The following SPESP1 variants were observed in gnomAD, a reference collection of about 807,000 sequenced individuals.
SPESP1 encodes equatorial segment protein.
Under a neutral mutation model 3.1 loss-of-function variants are expected in SPESP1, and 1 was observed. The ratio of observed to expected loss-of-function variants is 0.33; its 90% CI spans 0.12 to 1.54. The LOEUF (loss-of-function observed/expected upper bound fraction) is 1.54. Ranked by LOEUF, SPESP1 falls within the 40% of genes most tolerant of loss-of-function variation. The pLI is 0.38. For missense variants in SPESP1, 398 were observed against 410.1 expected (o/e 0.97, Z 0.26); for synonymous variants, 138 against 150.7 (o/e 0.92, Z 0.62).
chr15:68,933,088 A>G (rs1182052331), intron 1 of SPESP1, among the ~76,000 whole-genome samples: 1 of 152,212 alleles, frequency 6.6e-6, no homozygotes, highest in Non-Finnish European at 1.5e-5. Context: ...GCGAGATGCA[A>G]AAGATAAGGT....
rs181447244 is a variant in SPESP1, at chr15:68,942,592, G to A, written c.65-3007G>A. On this transcript the variant is annotated intron_variant, in intron 1 of 1. Transcript: ENST00000310673. ...TTTTAATGTTCTTTTTAGGGAACAT[G>A]TTTTTCTATATAATTTTAAGGGAAA... Among the ~76,000 whole-genome samples, 6 of 152,148 alleles carry A rather than the reference G, an allele frequency of 3.9e-5. No individual in the cohort carries two copies. In the East Asian group the frequency reaches 9.6e-4, roughly 24 times the overall value.
intron 1 of SPESP1, among the ~76,000 whole-genome samples, chr15:68,938,349 C>T (rs1895735090): frequency 1.3e-5 from 2 of 151,924 alleles, no homozygotes; most frequent in East Asian, 3.8e-4. Flanking sequence ...ATTAACTTGC[C>T]TTTTATTTCT....
At chr15:68,943,433 G>A (rs181029369) in intron 1 of SPESP1, among the ~76,000 whole-genome samples, 54 of 152,186 alleles carry the variant, frequency 3.5e-4, no homozygotes, top group African/African-American at 1.1e-3. Flanking sequence ...ACCTCCAGAC[G>A]TGTGGTATCT....
At chr15:68,943,451 A>C (rs1595722268) in intron 1 of SPESP1, among the ~76,000 whole-genome samples, 1 of 152,330 alleles carries the variant, frequency 6.6e-6, no homozygotes, top group East Asian at 1.9e-4. Context: ...TCTTTCCACT[A>C]ACCACATTGG....
chr15:68,938,685 C>G (rs1895743051), intron 1 of SPESP1, among the ~76,000 whole-genome samples: 1 of 152,220 alleles, frequency 6.6e-6, no homozygotes, highest in Non-Finnish European at 1.5e-5. Flanking sequence ...TATCACAACA[C>G]TAATACAGCT....
rs766094771 is a variant in SPESP1, at chr15:68,945,734, T to C, written c.200T>C (p.Ile67Thr). The C allele has an allele frequency of 5.6e-6, 9 of 1,614,030 alleles. No homozygotes were observed. The East Asian group carries it at 2.0e-4, about 36-fold the overall frequency. Residue 67 changes from isoleucine (I) to threonine (T), a missense_variant, in exon 2 of 2, where the codon ATA (isoleucine) becomes ACA (threonine). Physicochemically the swap from Ile to Thr is moderately conservative, Grantham distance 89. Transcript: ENST00000310673. The stretch of plus-strand genomic sequence containing the variant: ...AACTCTCCAAAACATGTTTATTCTA[T>C]AGCATCAAAGGGATCAAAATTTAAG... ...KSNSPKHVYS[I>T]ASKGSKFKEL...
In SPESP1 at chr15:68,930,573, C is replaced by T. The variant is rs35897651; in HGVS notation, c.-81C>T. 5.4e-3 allele frequency: 8,551 copies of T among 1,585,658 alleles called. 30 individuals carry two copies. Among genetic ancestry groups the T allele is most frequent in the Non-Finnish European group, 6.3e-3 (7,282 of 1,156,632 alleles). On this transcript the variant is annotated 5_prime_UTR_variant, in exon 1 of 2. Transcript: ENST00000310673. The stretch of plus-strand genomic sequence containing the variant: ...AGGCAGGACGGTACTCCGCTGACAC[C>T]TTCCCTTTCGGCCTTGAGGTTCCCA...
At chr15:68,935,533 C>T (rs544961175) in intron 1 of SPESP1, among the ~76,000 whole-genome samples, 16 of 152,156 alleles carry the variant, frequency 1.1e-4, no homozygotes, top group Non-Finnish European at 1.9e-4. Flanking sequence ...TTATAAGCCC[C>T]AACATGGATG....
At chr15:68,930,846 T>A in intron 1 of SPESP1, 129 bp downstream of exon 1, 1 of 1,436,554 alleles carries the variant, frequency 7.0e-7, no homozygotes, top group South Asian at 1.2e-5. Context: ...CTGTCCGGGG[T>A]CCTGGCCTCG....
In SPESP1 at chr15:68,933,751, C is replaced by T. The variant is rs181619106; in HGVS notation, c.64+3034C>T. 2.7e-3 allele frequency among the ~76,000 whole-genome samples: 406 copies of T among 150,956 alleles called. 5 individuals are homozygous for T. Among genetic ancestry groups the T allele is most frequent in the African/African-American group, 9.5e-3 (392 of 41,088 alleles). On this transcript the variant is annotated intron_variant, in intron 1 of 1. Transcript: ENST00000310673. ...GGGCAGGCCTGTAGTCCCAGCTATT[C>T]GGGAGGCTGAGGTGGGAGGATCACC...
intron 1 of SPESP1, chr15:68,939,989 T>G (rs1895776848): frequency 6.6e-6 from 1 of 152,232 alleles, no homozygotes. Flanking sequence ...ATTTACTTAT[T>G]ATAGTTGCTC....
chr15:68,933,993 C>A (rs113665710), intron 1 of SPESP1, among the ~76,000 whole-genome samples: 1,571 of 151,834 alleles, frequency 0.01, 31 homozygotes, highest in African/African-American at 0.036. Context: ...CATGGGCTGG[C>A]AGTGCAAACT....
At chr15:68,941,690 T>A (rs540020585) in intron 1 of SPESP1, among the ~76,000 whole-genome samples, 2 of 152,156 alleles carry the variant, frequency 1.3e-5, no homozygotes, top group Non-Finnish European at 2.9e-5. Flanking sequence ...TCCAGAATAA[T>A]TGCCCCATGT....
chr15:68,941,249 G>A (rs1895815547), intron 1 of SPESP1, among the ~76,000 whole-genome samples: 1 of 152,244 alleles, frequency 6.6e-6, no homozygotes, highest in South Asian at 2.1e-4. Flanking sequence ...TCTTTATGAT[G>A]CTGAATCTTT....
chr15:68,941,012 C>T (rs1895808497), intron 1 of SPESP1, among the ~76,000 whole-genome samples: 1 of 151,876 alleles, frequency 6.6e-6, no homozygotes, highest in African/African-American at 2.4e-5. Flanking sequence ...CTGCTCCATT[C>T]ATCTGTTCAT....
rs778802784 is a variant in SPESP1, at chr15:68,946,042, A to T, written c.508A>T (p.Thr170Ser). The T allele has an allele frequency of 6.2e-7, 1 of 1,614,172 alleles. No homozygotes were observed. Among genetic ancestry groups the T allele is most frequent in the Non-Finnish European group, 8.5e-7 (1 of 1,180,024 alleles). The change falls in exon 2 of 2, where the codon ACA (threonine) becomes TCA (serine). Residue 170 changes from threonine to serine, a missense_variant. Coordinates refer to ENST00000310673, the MANE Select transcript of SPESP1 (RefSeq NM_145658.4). The stretch of plus-strand genomic sequence containing the variant: ...GTTGCCAGTTGTTACTGAATCATCT[A>T]CAAGTCCATATGTTACCTCATACAA... Reference protein sequence around the residue: ...RMLPVVTESSTSPYVTSYKSP... With the variant: ...RMLPVVTESSSSPYVTSYKSP...
chr15:68,939,012 C>T (rs1895751858), intron 1 of SPESP1, among the ~76,000 whole-genome samples: 1 of 152,144 alleles, frequency 6.6e-6, no homozygotes, highest in Non-Finnish European at 1.5e-5. Flanking sequence ...TTATTTAGTA[C>T]CATTTTGTTT....
chr15:68,938,290 C>T (rs1481827024), intron 1 of SPESP1, among the ~76,000 whole-genome samples: 2 of 152,154 alleles, frequency 1.3e-5, no homozygotes, highest in Non-Finnish European at 2.9e-5. Context: ...TTTCATTGCT[C>T]ATTTTAAATC....
rs1287870919 is a variant in SPESP1 at position 68,946,717 on chromosome 15, T to C, written c.*130T>C. On this transcript the variant is annotated 3_prime_UTR_variant, in exon 2 of 2. Transcript: ENST00000310673. ...AGTTGTATAAAAATATTTTCTATTG[T>C]AGTTCAAATGTGCCAACATCTTTAT... The C allele has an allele frequency of 4.3e-6, 5 of 1,165,270 alleles. No individual in the cohort carries two copies. Among genetic ancestry groups the C allele is most frequent in the Non-Finnish European group, 5.5e-6 (5 of 906,092 alleles). The allele number at this position is 1,165,270 out of a possible 1,614,324, so 72.2% of individuals were successfully genotyped here.
Sources: allele counts gnomAD v4.1 joint callset (sites outside exome capture counted in the v4.1 genomes callset), GRCh38; gene constraint gnomAD v4.1.1; transcripts MANE v1.5; gene names NCBI Gene and HGNC (gene_info 2026-07-23, HGNC 2026-07-21).